The following CCDC149 variants were observed in gnomAD, a reference collection of about 807,000 sequenced individuals.
CCDC149 encodes coiled-coil domain containing 149.
A neutral mutation model predicts 59.9 loss-of-function variants in CCDC149; 45 were observed. That is an observed-to-expected ratio of 0.75 (90% confidence interval 0.59 to 0.96). CCDC149 has a LOEUF of 0.96. Among genes scored for constraint, CCDC149 ranks in the 40% least tolerant of loss-of-function variants. The probability of loss-of-function intolerance (pLI) is 0.00; values close to 1 mark genes in which losing one functional copy is unlikely to be tolerated. For missense variants in CCDC149, 584 were observed against 664.7 expected (o/e 0.88, Z 1.33); for synonymous variants, 245 against 260.6 (o/e 0.94, Z 0.58).
intron 2 of CCDC149, among the ~76,000 whole-genome samples, chr4:24,874,244 G>GTGTTTTTTTTTTTTTTTTTTT (rs1719240939): frequency 1.1e-5 from 1 of 87,488 alleles, no homozygotes; most frequent in African/African-American, 5.8e-5. Context: ...TATTAGATTT[G>GTGTTTTTTTTTTTTTTTTTTT]TTTTTTTTTT....
intron 1 of CCDC149, among the ~76,000 whole-genome samples, chr4:24,886,518 C>T (rs1720187235): frequency 1.3e-5 from 2 of 152,204 alleles, no homozygotes; most frequent in Non-Finnish European, 2.9e-5. Context: ...TAATACCCTC[C>T]ACTTGGAAGT....
chr4:24,961,183 GA>G, intron 1 of CCDC149, among the ~76,000 whole-genome samples: 1 of 152,212 alleles, frequency 6.6e-6, no homozygotes, highest in Admixed American at 6.5e-5. Flanking sequence ...ACAGAAAGAA[GA>G]AGGTGGATAG....
At chr4:24,906,724 C>T (rs553573823) in intron 1 of CCDC149, among the ~76,000 whole-genome samples, 1 of 152,152 alleles carries the variant, frequency 6.6e-6, no homozygotes, top group African/African-American at 2.4e-5. Context: ...TAAAACTTGC[C>T]CCACCTTGGG....
rs551259053 is a variant in CCDC149, at chr4:24,940,088, A to G, written c.-65+39981T>C. ...CGAGAAGAGCAACTCCAAGACACATAATTGTCAGATTCACCAAAGTTGAAA... is the reference window on the plus strand; with the variant it reads ...CGAGAAGAGCAACTCCAAGACACATGATTGTCAGATTCACCAAAGTTGAAA... On this transcript the variant is annotated intron_variant, in intron 1 of 12. Coordinates refer to the CCDC149 transcript ENST00000389609. 1.4e-4 allele frequency among the ~76,000 whole-genome samples: 21 copies of G among 152,322 alleles called. No individual in the cohort carries two copies. In the East Asian group the frequency reaches 4.1e-3, roughly 29 times the overall value.
At chr4:24,896,484 CTTGA>C (rs759755474) in intron 1 of CCDC149, among the ~76,000 whole-genome samples, 1 of 152,170 alleles carries the variant, frequency 6.6e-6, no homozygotes, top group Non-Finnish European at 1.5e-5. Flanking sequence ...TTGGAGCAAG[CTTGA>C]ATTCTAGAGC....
chr4:24,892,043 T>C (rs76524611), intron 1 of CCDC149, among the ~76,000 whole-genome samples: 347 of 152,186 alleles, frequency 2.3e-3, no homozygotes, highest in African/African-American at 7.6e-3. Context: ...GTCATCAGGA[T>C]CATCATAAAT....
chr4:24,963,386 T>C (rs1723702094), intron 1 of CCDC149, among the ~76,000 whole-genome samples: 1 of 151,990 alleles, frequency 6.6e-6, no homozygotes, highest in Non-Finnish European at 1.5e-5. Flanking sequence ...TCCACCCCCA[T>C]CCAGCAGCAA....
chr4:24,966,515 G>T (rs1295414348), intron 1 of CCDC149, among the ~76,000 whole-genome samples: 2 of 152,224 alleles, frequency 1.3e-5, no homozygotes, highest in South Asian at 2.1e-4. Context: ...GGACTGAGGG[G>T]TCTGGGATGT....
chr4:24,941,045 C>T (rs1722940905), intron 1 of CCDC149, among the ~76,000 whole-genome samples: 1 of 152,162 alleles, frequency 6.6e-6, no homozygotes, highest in Admixed American at 6.5e-5. Flanking sequence ...ACCAAGCAGA[C>T]CTAATAGACA....
chr4:24,929,575 C>A (rs1722526891), intron 1 of CCDC149, among the ~76,000 whole-genome samples: 1 of 152,196 alleles, frequency 6.6e-6, no homozygotes, highest in South Asian at 2.1e-4. Context: ...AAAGATCAGA[C>A]CTCAACACCC....
At chr4:24,898,340 G>A (rs554285237) in intron 1 of CCDC149, among the ~76,000 whole-genome samples, 1 of 152,218 alleles carries the variant, frequency 6.6e-6, no homozygotes, top group East Asian at 1.9e-4. Flanking sequence ...ATGAGGTATT[G>A]GAGAAGTCAG....
intron 8 of CCDC149, among the ~76,000 whole-genome samples, chr4:24,833,605 CAG>C (rs1716308337): frequency 6.6e-6 from 1 of 151,864 alleles, no homozygotes; most frequent in African/African-American, 2.4e-5. Context: ...GCCTGGGCAA[CAG>C]AGTGAGACTG....
chr4:24,913,440 T>C (rs2109331404), upstream of CCDC149, among the ~76,000 whole-genome samples: 1 of 152,400 alleles, frequency 6.6e-6, no homozygotes, highest in East Asian at 1.9e-4. Context: ...GACGAATATT[T>C]GTTGAACGCA....
intron 3 of CCDC149, among the ~76,000 whole-genome samples, chr4:24,860,984 T>TA (rs1220974213): frequency 6.6e-6 from 1 of 152,114 alleles, no homozygotes; most frequent in East Asian, 1.9e-4. Flanking sequence ...ATGGATGTGG[T>TA]AAAAAGGGAA....
chr4:24,913,031 A>C lies in CCDC149; in HGVS notation c.-152T>G. 1 of 180,252 alleles carries C rather than the reference A, an allele frequency of 5.5e-6. No individual in the cohort carries two copies. The highest frequency in any genetic ancestry group is 1.1e-5 in the Non-Finnish European group (1 of 93,346). The allele number at this position is 180,252 out of a possible 1,614,324, so 11.2% of individuals were successfully genotyped here. A position where few individuals can be genotyped will look rare whatever the true frequency, so the allele number is the denominator to read the frequency against. On this transcript the variant is annotated 5_prime_UTR_variant, in exon 1 of 13. Coordinates refer to ENST00000635206, the MANE Select transcript of CCDC149 (RefSeq NM_001330643.2). ...CGCGGCCGCCAGCGCTGTTGACTCC[A>C]CGTCAGCCTCCGCCGGAGGGAAAGG...
intron 3 of CCDC149, among the ~76,000 whole-genome samples, chr4:24,860,176 C>T (rs763478925): frequency 6.6e-6 from 1 of 152,158 alleles, no homozygotes; most frequent in Non-Finnish European, 1.5e-5. Context: ...AGGCATCACA[C>T]TACCTGACTT....
At chr4:24,850,010 C>A (rs1330367802) in intron 4 of CCDC149, among the ~76,000 whole-genome samples, 1 of 152,212 alleles carries the variant, frequency 6.6e-6, no homozygotes, top group Non-Finnish European at 1.5e-5. Context: ...GGGGTTAGTC[C>A]CCCCTCTGTT....
At chr4:24,876,783 G>T (rs1719466193) in intron 1 of CCDC149, 86 bp from the exon 2 acceptor site, 1 of 1,362,080 alleles carries the variant, frequency 7.3e-7, no homozygotes, top group Non-Finnish European at 9.9e-7. Flanking sequence ...CACCCTGTGG[G>T]GAATTTTTGC....
At chr4:24,843,832 G>A (rs1369825931) in intron 4 of CCDC149, among the ~76,000 whole-genome samples, 9 of 152,146 alleles carry the variant, frequency 5.9e-5, no homozygotes, top group Admixed American at 5.2e-4. Context: ...TACTAGGGCT[G>A]AAGAGGCACA....
Sources: allele counts gnomAD v4.1 joint callset (sites outside exome capture counted in the v4.1 genomes callset), GRCh38; gene constraint gnomAD v4.1.1; transcripts MANE v1.5; gene names NCBI Gene and HGNC (gene_info 2026-07-23, HGNC 2026-07-21).